Variants in PAFAH1B1 observed in about 807,000 individuals in gnomAD.
PAFAH1B1 encodes the protein platelet activating factor acetylhydrolase 1b regulatory subunit 1.
A neutral mutation model predicts 57.5 loss-of-function variants in PAFAH1B1; 2 were observed. The observed-to-expected ratio is 0.03, with a 90% CI of 0.01 to 0.11. The LOEUF (loss-of-function observed/expected upper bound fraction) is 0.11, where lower values mean the gene tolerates loss of function less well. Ranked by LOEUF, PAFAH1B1 falls within the 10% of genes least tolerant of loss-of-function variation. PAFAH1B1 has a pLI of 1.00. For missense variants in PAFAH1B1, 257 were observed against 512.0 expected (o/e 0.50, Z 4.81); for synonymous variants, 152 against 169.6 (o/e 0.90, Z 0.81).
intron 5 of PAFAH1B1, 144 bp from the exon 6 acceptor site, chr17:2,670,019 A>T: frequency 1.3e-6 from 1 of 748,384 alleles, no homozygotes; most frequent in South Asian, 1.5e-5. Flanking sequence ...TATACATGAG[A>T]TACAATATTT....
At chr17:2,655,240 C>A (rs192220322) in intron 2 of PAFAH1B1, among the ~76,000 whole-genome samples, 1 of 149,360 alleles carries the variant, frequency 6.7e-6, no homozygotes, top group East Asian at 2.0e-4. Context: ...ATGTAGGCAT[C>A]TATAAAGATG....
chr17:2,646,388 C>T (rs528220558), intron 2 of PAFAH1B1, among the ~76,000 whole-genome samples: 2 of 152,056 alleles, frequency 1.3e-5, no homozygotes, highest in Admixed American at 6.6e-5. Flanking sequence ...TATGAGAGTA[C>T]GGTATCCTAT....
At chr17:2,623,422 C>G (rs568090754) in intron 1 of PAFAH1B1, among the ~76,000 whole-genome samples, 2 of 151,810 alleles carry the variant, frequency 1.3e-5, no homozygotes, top group African/African-American at 4.8e-5. Context: ...CCACACCCGG[C>G]TAATTTTTTG....
intron 1 of PAFAH1B1, among the ~76,000 whole-genome samples, chr17:2,595,310 G>T (rs1035614977): frequency 9.2e-5 from 14 of 152,002 alleles, no homozygotes; most frequent in Non-Finnish European, 2.1e-4. Flanking sequence ...TGTTGGGGGG[G>T]TGGGTTATTT....
chr17:2,631,325 T>C (rs2068552474), intron 1 of PAFAH1B1, among the ~76,000 whole-genome samples: 1 of 152,122 alleles, frequency 6.6e-6, no homozygotes, highest in African/African-American at 2.4e-5. Context: ...AGGGCTTTAG[T>C]TCTTCCGTAG....
In PAFAH1B1 at chr17:2,593,896, C is replaced by T. The variant is rs544833254; in HGVS notation, c.-301C>T. On this transcript the variant is annotated 5_prime_UTR_variant, in exon 1 of 11. Coordinates refer to ENST00000397195, the MANE Select transcript of PAFAH1B1 (RefSeq NM_000430.4). ...CGGGCCCAGCGCGCCATCCTCCCCC[C>T]TCCTTCCCTCCCTCCCTCCTTCCTC... 2.4e-4 allele frequency: 86 copies of T among 355,372 alleles called. No individual in the cohort carries two copies. The highest frequency in any genetic ancestry group is 1.8e-3 in the African/African-American group (81 of 45,864). The allele number at this position is 355,372 out of a possible 1,614,324, so 22.0% of individuals were successfully genotyped here.
At chr17:2,668,207 T>A (rs915623776) in intron 5 of PAFAH1B1, among the ~76,000 whole-genome samples, 1 of 151,766 alleles carries the variant, frequency 6.6e-6, no homozygotes, top group Non-Finnish European at 1.5e-5. Context: ...GCGCCTGTAG[T>A]CCCAGCTACT....
intron 1 of PAFAH1B1, among the ~76,000 whole-genome samples, chr17:2,635,990 G>T (rs1431490447): frequency 6.6e-6 from 1 of 151,448 alleles, no homozygotes; most frequent in East Asian, 1.9e-4. Context: ...GGGGTTGGTG[G>T]CACATGCCTG....
intron 2 of PAFAH1B1, among the ~76,000 whole-genome samples, chr17:2,658,762 A>G (rs2068973348): frequency 6.6e-6 from 1 of 152,228 alleles, no homozygotes; most frequent in African/African-American, 2.4e-5. Flanking sequence ...TAAGACTGGT[A>G]GTAGTTAAAT....
At chr17:2,659,438 G>A in intron 2 of PAFAH1B1, 1 of 285,618 alleles carries the variant, frequency 3.5e-6, no homozygotes, top group Non-Finnish European at 7.1e-6. Context: ...TCGGGAGGCT[G>A]AGCCAGGAGA....
intron 9 of PAFAH1B1, among the ~76,000 whole-genome samples, chr17:2,679,437 GTTGGATGGATAGATGGATGA>G (rs1597580019): frequency 6.6e-6 from 1 of 151,040 alleles, no homozygotes; most frequent in South Asian, 2.1e-4. Context: ...TGATTGGATG[GTTGGATGGATAGATGGATGA>G]TTGGATGGAT....
At chr17:2,670,014 A>C (rs964491570) in intron 5 of PAFAH1B1, 149 bp from the exon 6 acceptor site, 4 of 726,636 alleles carry the variant, frequency 5.5e-6, no homozygotes, top group African/African-American at 3.5e-5. Flanking sequence ...CAATTTATAC[A>C]TGAGATACAA....
At chr17:2,658,058 T>A (rs1372350686) in intron 2 of PAFAH1B1, among the ~76,000 whole-genome samples, 1 of 152,204 alleles carries the variant, frequency 6.6e-6, no homozygotes, top group Non-Finnish European at 1.5e-5. Context: ...CCTGAGTGGA[T>A]CTCACAGTTG....
At chr17:2,669,436 T>A (rs1335236357) in intron 5 of PAFAH1B1, among the ~76,000 whole-genome samples, 3 of 152,018 alleles carry the variant, frequency 2.0e-5, no homozygotes, top group African/African-American at 7.2e-5. Context: ...TAATTTTTTG[T>A]GTTTTTTAGT....
intron 2 of PAFAH1B1, among the ~76,000 whole-genome samples, chr17:2,647,074 G>T (rs1012980042): frequency 6.6e-6 from 1 of 152,172 alleles, no homozygotes; most frequent in Non-Finnish European, 1.5e-5. Context: ...ATTTGGCTGG[G>T]CACAGTGGCT....
chr17:2,672,609 C>T (rs770134949), intron 6 of PAFAH1B1, 46 bp from the exon 7 acceptor site: 1 of 1,269,008 alleles, frequency 7.9e-7, no homozygotes, highest in South Asian at 1.2e-5. Context: ...TTTCATTGCT[C>T]TTGGTGGTAT....
At chr17:2,603,020 C>T (rs1328014102) in intron 1 of PAFAH1B1, among the ~76,000 whole-genome samples, 1 of 152,178 alleles carries the variant, frequency 6.6e-6, no homozygotes, top group Admixed American at 6.5e-5. Flanking sequence ...TAATCAAGCC[C>T]CACCTTGCTC....
chr17:2,677,770 C>T (rs1015217083), intron 9 of PAFAH1B1, among the ~76,000 whole-genome samples: 6 of 151,904 alleles, frequency 3.9e-5, no homozygotes, highest in East Asian at 1.9e-4. Context: ...AGGAGAATGG[C>T]GTGAACCCGG....
rs954970975 is a variant in PAFAH1B1 at position 2,683,947 on chromosome 17, G to C, written c.*2145G>C. Reference sequence around the variant, plus strand: ...GTTTAAGGGTAAGCCACAACATCTAGAAATCACTCATAGATATTGAACAAT... The same window carrying C: ...GTTTAAGGGTAAGCCACAACATCTACAAATCACTCATAGATATTGAACAAT... On this transcript the variant is annotated 3_prime_UTR_variant, in exon 11 of 11. Coordinates refer to ENST00000397195, the MANE Select transcript of PAFAH1B1 (RefSeq NM_000430.4). The C allele has an allele frequency of 2.0e-5, 3 of 152,614 alleles. No individual in the cohort carries two copies. The highest frequency in any genetic ancestry group is 7.2e-5 in the African/African-American group (3 of 41,434). The allele number at this position is 152,614 out of a possible 1,614,324, so 9.5% of individuals were successfully genotyped here.
Sources: gnomAD v4.1 joint callset for allele counts (sites outside exome capture counted in the v4.1 genomes callset) on GRCh38, gnomAD v4.1.1 for gene constraint, MANE v1.5 for transcripts, NCBI Gene and HGNC (gene_info 2026-07-23, HGNC 2026-07-21) for gene names.